The following ABI3BP variants were observed in gnomAD, a reference collection of about 807,000 sequenced individuals.
ABI3BP encodes the protein ABI family member 3 binding protein.
A neutral mutation model predicts 268.6 loss-of-function variants in ABI3BP; 216 were observed. The ratio of observed to expected loss-of-function variants is 0.80; its 90% CI spans 0.72 to 0.90. The LOEUF is 0.90. Ranked by LOEUF, ABI3BP falls within the 40% of genes least tolerant of loss-of-function variation. The pLI is 0.00. For synonymous variants in ABI3BP, 730 were observed against 730.0 expected (o/e 1.00, Z 0.00); for missense variants, 2,090 against 2,182.4 (o/e 0.96, Z 0.84).
intron 49 of ABI3BP, among the ~76,000 whole-genome samples, chr3:100,809,374 C>T (rs932418494): frequency 6.6e-6 from 1 of 152,048 alleles, no homozygotes; most frequent in African/African-American, 2.4e-5. Context: ...ATGCCACTTA[C>T]TTTGCCAGAG....
chr3:100,909,680 A>G (rs989147976), intron 2 of ABI3BP, among the ~76,000 whole-genome samples: 1 of 152,218 alleles, frequency 6.6e-6, no homozygotes, highest in East Asian at 1.9e-4. Context: ...GCTTATCATC[A>G]CTGGTCATTA....
At chr3:100,881,676 G>GAAAA (rs5851233) in intron 6 of ABI3BP, among the ~76,000 whole-genome samples, 1 of 149,846 alleles carries the variant, frequency 6.7e-6, no homozygotes, top group Non-Finnish European at 1.5e-5. Context: ...TCTCTAAATG[G>GAAAA]AAAAAAAAAG....
Position 100,765,948 on chromosome 3 carries a change from T to C in ABI3BP, c.4743A>G (p.Glu1581=). 6.2e-7 allele frequency: 1 copy of C among 1,604,002 alleles called. No individual in the cohort carries two copies. Among genetic ancestry groups the C allele is most frequent in the Non-Finnish European group, 8.5e-7 (1 of 1,172,510 alleles). ...WEKPLNDTVT[E]YEVISRENGS... ...CATTTTCTCTGGATATAACTTCATA[T>C]TCTGTAAAGCGAAAGAAGCCAACAG... Residue 1581 remains glutamate (E), a splice_region_variant and synonymous_variant, in exon 63 of 68, where the codon GAA becomes GAG. Transcript: ENST00000471714.
intron 34 of ABI3BP, 94 bp downstream of exon 34, chr3:100,828,299 A>G: frequency 1.6e-6 from 2 of 1,265,292 alleles, no homozygotes; most frequent in East Asian, 5.1e-5. Context: ...CAACCGTTAC[A>G]AAACCAAAAA....
At chr3:100,849,089 G>A (rs1399880975) in intron 17 of ABI3BP, among the ~76,000 whole-genome samples, 2 of 150,316 alleles carry the variant, frequency 1.3e-5, no homozygotes, top group Admixed American at 1.3e-4. Context: ...GAGAATTGAA[G>A]ATATACATTG....
chr3:100,958,627 A>C (rs112837065), intron 1 of ABI3BP, among the ~76,000 whole-genome samples: 1 of 3,572 alleles, frequency 2.8e-4, no homozygotes, highest in African/African-American at 1.3e-3. Context: ...GAAAACAAAC[A>C]ACCACCAAAT....
intron 10 of ABI3BP, among the ~76,000 whole-genome samples, chr3:100,865,477 C>A (rs967617602): frequency 1.3e-5 from 2 of 152,052 alleles, no homozygotes; most frequent in Non-Finnish European, 2.9e-5. Context: ...GTCCCAAATG[C>A]TAGATTAAAG....
chr3:100,785,734 C>G (rs1377475739), intron 57 of ABI3BP, among the ~76,000 whole-genome samples: 1 of 152,180 alleles, frequency 6.6e-6, no homozygotes, highest in African/African-American at 2.4e-5. Flanking sequence ...GCCTTAACCA[C>G]TCGGCCACAA....
chr3:100,908,894 T>C (rs2054851928), intron 2 of ABI3BP, among the ~76,000 whole-genome samples: 1 of 152,154 alleles, frequency 6.6e-6, no homozygotes, highest in African/African-American at 2.4e-5. Flanking sequence ...CTTCACGGAA[T>C]TGGAAAAAAC....
intron 2 of ABI3BP, among the ~76,000 whole-genome samples, chr3:100,919,213 C>T (rs1401868453): frequency 1.3e-5 from 2 of 151,924 alleles, no homozygotes; most frequent in African/African-American, 2.4e-5. Context: ...TATATAGTTC[C>T]TTCAGTTATT....
chr3:100,839,798 T>C (rs1184942690), intron 23 of ABI3BP, among the ~76,000 whole-genome samples, 182 bp from the exon 24 acceptor site: 1 of 152,190 alleles, frequency 6.6e-6, no homozygotes, highest in East Asian at 1.9e-4. Context: ...CTGCCATGAA[T>C]GTACATCATA....
chr3:100,948,664 C>T (rs1394889129), intron 1 of ABI3BP, among the ~76,000 whole-genome samples: 1 of 152,162 alleles, frequency 6.6e-6, no homozygotes, highest in Non-Finnish European at 1.5e-5. Context: ...ATCTCCCTTT[C>T]CTCTACCCCA....
intron 1 of ABI3BP, among the ~76,000 whole-genome samples, chr3:100,932,679 T>G (rs1235270311): frequency 6.6e-6 from 1 of 152,052 alleles, no homozygotes; most frequent in Non-Finnish European, 1.5e-5. Flanking sequence ...ATGGCTATTA[T>G]TAAAAAGTCA....
chr3:100,749,257 T>TACTTAGTG lies in ABI3BP; in HGVS notation c.*1237_*1238insCACTAAGT, dbSNP rs1553707628. 1.9e-5 allele frequency: 3 copies of TACTTAGTG among 159,896 alleles called. No homozygotes were observed. The highest frequency in any genetic ancestry group is 3.1e-4 in the East Asian group (2 of 6,402). 9.9% of individuals were successfully genotyped at this position (159,896 alleles called of 1,614,324 possible). A position where few individuals can be genotyped will look rare whatever the true frequency, so the allele number is the denominator to read the frequency against. On this transcript the variant is annotated 3_prime_UTR_variant, in exon 68 of 68. Coordinates refer to ENST00000471714, the MANE Select transcript of ABI3BP (RefSeq NM_001375547.2). Reference sequence around the variant, plus strand: ...GGGTTGGTAGAGCCTGAATAAAACTTAGTGATTTTCCTTCTCGATAAAAGG... The same window carrying TACTTAGTG: ...GGGTTGGTAGAGCCTGAATAAAACTTACTTAGTGAGTGATTTTCCTTCTCGATAAAAGG...
rs752752625 is a variant in ABI3BP, at chr3:100,796,423, G to A, written c.3803C>T (p.Ser1268Phe). 4 of 1,596,976 alleles carry A rather than the reference G, an allele frequency of 2.5e-6. No homozygotes were observed. The South Asian group carries it at 3.5e-5, about 14-fold the overall frequency. The part of the protein sequence containing the change: ...LLPHKPYPEV[S>F]QSEPVLQPVT... ...AATTAATTTACCAGGTTCGCTCTGA[G>A]AGACCTCAGGGTATGGTTTATGAGG... Residue 1268 changes from serine (S) to phenylalanine (F), a missense_variant, in exon 52 of 68, where the codon TCT (serine) becomes TTT (phenylalanine). By Grantham distance (155) the Ser-to-Phe change is radical. Coordinates refer to ENST00000471714, the MANE Select transcript of ABI3BP (RefSeq NM_001375547.2).
chr3:100,752,904 A>G lies in ABI3BP; in HGVS notation c.5005T>C (p.Ser1669Pro). The G allele has an allele frequency of 6.2e-7, 1 of 1,613,428 alleles. No individual in the cohort carries two copies. The highest frequency in any genetic ancestry group is 1.1e-5 in the South Asian group (1 of 91,060). Residue 1669 changes from serine to proline, a missense_variant, in exon 66 of 68, where the codon TCT (serine) becomes CCT (proline). Ser to Pro is a moderately conservative substitution (Grantham distance 74). Transcript: ENST00000471714. ...TGTTTGCCCTTACACTCTGAGTAAG[A>G]GTCTGAATTAAAGGGTCTTTCAGTC... ...IWTERPFNSD[S>P]YSECKGKQYV...
chr3:100,926,096 A>T (rs1225980723), intron 2 of ABI3BP, among the ~76,000 whole-genome samples: 46 of 152,154 alleles, frequency 3.0e-4, no homozygotes, highest in Admixed American at 3.0e-3. Context: ...GAGAATGAAG[A>T]TAACTATTTC....
chr3:100,755,128 C>A (rs771584266), intron 63 of ABI3BP, among the ~76,000 whole-genome samples: 4 of 152,152 alleles, frequency 2.6e-5, no homozygotes, highest in Non-Finnish European at 4.4e-5. Flanking sequence ...GGACTTAGGC[C>A]ATCTTTCTCA....
At chr3:100,770,643 G>T in intron 62 of ABI3BP, 100 bp downstream of exon 62, 1 of 1,168,506 alleles carries the variant, frequency 8.6e-7, no homozygotes. Context: ...CTCCTCCCCA[G>T]GTATGCTTCA....
Sources: allele counts gnomAD v4.1 joint callset (sites outside exome capture counted in the v4.1 genomes callset), GRCh38; gene constraint gnomAD v4.1.1; transcripts MANE v1.5; gene names NCBI Gene and HGNC (gene_info 2026-07-23, HGNC 2026-07-21).